Variants in BAAT observed in about 807,000 individuals in gnomAD.
BAAT encodes the protein bile acid CoA: amino acid N-acyltransferase (glycine N-choloyltransferase).
BAAT carries 13 observed loss-of-function variants against 18.9 expected under a neutral mutation model. The ratio of observed to expected loss-of-function variants is 0.69; its 90% CI spans 0.45 to 1.10. BAAT has a LOEUF of 1.10. Among genes scored for constraint, BAAT ranks in the 50% least tolerant of loss-of-function variants. The probability of loss-of-function intolerance (pLI) is 0.00; values close to 1 mark genes in which losing one functional copy is unlikely to be tolerated. For synonymous variants in BAAT, 170 were observed against 190.7 expected, an observed-to-expected ratio of 0.89 and a Z score of 0.89; for missense variants, 489 against 504.0, an observed-to-expected ratio of 0.97 and a Z score of 0.28.
chr9:101,372,320 C>A (rs945240931), intron 1 of BAAT, among the ~76,000 whole-genome samples: 2 of 150,022 alleles, frequency 1.3e-5, no homozygotes, highest in African/African-American at 4.9e-5. Context: ...CCAGAAGGAT[C>A]TTCTCAAAAG....
chr9:101,367,098 G>A (rs1383422126), intron 3 of BAAT, among the ~76,000 whole-genome samples: 1 of 128,234 alleles, frequency 7.8e-6, no homozygotes, highest in Non-Finnish European at 1.6e-5. Context: ...GTGACAGAGC[G>A]AGACTCTGTC....
At chr9:101,370,223 G>C (rs1176045921) in intron 2 of BAAT, among the ~76,000 whole-genome samples, 1 of 151,748 alleles carries the variant, frequency 6.6e-6, no homozygotes, top group Admixed American at 6.6e-5. Flanking sequence ...GAAGAAGTAT[G>C]CAGAAGTCAG....
At chr9:101,375,469 GTAGGGTTCCACTTTAGGAAC>G (rs1830023583) in intron 1 of BAAT, 1 of 177,584 alleles carries the variant, frequency 5.6e-6, no homozygotes, top group Non-Finnish European at 1.2e-5. Context: ...TATGTCAATT[GTAGGGTTCCACTTTAGGAAC>G]TTTCGTTATG....
rs138094960 is a variant in BAAT, at chr9:101,362,558, G to A, written c.1127C>T (p.Thr376Met). Residue 376 changes from threonine to methionine, a missense_variant, in exon 4 of 4, where the codon ACG (threonine) becomes ATG (methionine). Transcript: ENST00000259407. The part of the protein sequence containing the change: ...PPYSPLCCAS[T>M]THDLRLHWGG... ...CCAGTGTAACCTCAAATCGTGGGTC[G>A]TTGAGGCACAGCACAGAGGAGAATA... is the stretch of plus-strand genomic sequence containing the variant. The A allele has an allele frequency of 1.9e-5, 31 of 1,613,968 alleles. No individual in the cohort carries two copies. In the African/African-American group the frequency reaches 2.1e-4, roughly 11 times the overall value.
At position 101,365,093 on chromosome 9, in the gene BAAT, C is replaced by T. The variant is rs536312482; in HGVS notation, c.670-2078G>A. ...GTATTGAGTGTATTGCTCCCAGTTA[C>T]CAATTTGGTTGGGAATTCTAAGGAG... On this transcript the variant is annotated intron_variant, in intron 3 of 3. Transcript: ENST00000259407. 5.9e-5 allele frequency among the ~76,000 whole-genome samples: 9 copies of T among 152,210 alleles called. No individual in the cohort carries two copies. The East Asian group carries it at 1.5e-3, about 26-fold the overall frequency.
chr9:101,362,515 T>A lies in BAAT; in HGVS notation c.1170A>T (p.Pro390=), dbSNP rs1829745290. 6.2e-7 allele frequency: 1 copy of A among 1,614,008 alleles called. No individual in the cohort carries two copies. Among genetic ancestry groups the A allele is most frequent in the African/African-American group, 1.3e-5 (1 of 74,916 alleles). The stretch of plus-strand genomic sequence containing the variant: ...AAGCATGTTCCTGTGCAGCTGCGTG[T>A]GGGATCACCTCTCCTCCCCAGTGTA... ...LRLHWGGEVI[P]HAAAQEHAWK... Residue 390 remains proline (P), a synonymous_variant, in exon 4 of 4, where the codon CCA becomes CCT. Transcript: ENST00000259407.
chr9:101,375,464 C>T, intron 1 of BAAT: 1 of 179,752 alleles, frequency 5.6e-6, no homozygotes, highest in South Asian at 1.2e-4. Flanking sequence ...CAATTTATGT[C>T]AATTGTAGGG....
intron 1 of BAAT, among the ~76,000 whole-genome samples, chr9:101,378,468 A>G (rs1277722369): frequency 6.6e-6 from 1 of 152,246 alleles, no homozygotes; most frequent in Non-Finnish European, 1.5e-5. Flanking sequence ...GACAAAAACA[A>G]GCAACAGAGA....
intron 1 of BAAT, among the ~76,000 whole-genome samples, chr9:101,382,112 G>C (rs1012465376): frequency 6.6e-5 from 10 of 152,136 alleles, no homozygotes; most frequent in African/African-American, 2.2e-4. Flanking sequence ...GGCAGGAGAG[G>C]GTTGCCCCCA....
chr9:101,371,565 C>A (rs1371083569), intron 1 of BAAT, 102 bp from the exon 2 acceptor site: 4 of 731,566 alleles, frequency 5.5e-6, no homozygotes, highest in South Asian at 3.2e-5. Flanking sequence ...TCAGTTCTAA[C>A]CCTCTAGTTC....
chr9:101,381,198 C>A (rs994273409), intron 1 of BAAT, among the ~76,000 whole-genome samples: 4 of 151,880 alleles, frequency 2.6e-5, no homozygotes, highest in African/African-American at 9.7e-5. Context: ...TCAATAATTA[C>A]GTTAAATACA....
rs1379854579 is a variant in BAAT at position 101,371,458 on chromosome 9, C to T, written c.-54G>A. ...TTCAGGAATATCTTCAGCAAAACCT[C>T]AAAACCTCAAAAAAGAAAGAAAGAG... On this transcript the variant is annotated 5_prime_UTR_variant, in exon 2 of 4. Transcript: ENST00000259407. The T allele has an allele frequency of 1.4e-5, 21 of 1,508,182 alleles. 1 individual carries two copies. The highest frequency in any genetic ancestry group is 1.8e-5 in the Non-Finnish European group (20 of 1,102,292). The allele number at this position is 1,508,182 out of a possible 1,614,324, so 93.4% of individuals were successfully genotyped here. A position where few individuals can be genotyped will look rare whatever the true frequency, so the allele number is the denominator to read the frequency against.
chr9:101,381,459 G>C (rs887565203), intron 1 of BAAT, among the ~76,000 whole-genome samples: 1 of 152,180 alleles, frequency 6.6e-6, no homozygotes, highest in Non-Finnish European at 1.5e-5. Flanking sequence ...AAGAGGTCAA[G>C]GATGCAGTGA....
At chr9:101,367,892 C>A (rs911705376) in intron 3 of BAAT, among the ~76,000 whole-genome samples, 1 of 152,142 alleles carries the variant, frequency 6.6e-6, no homozygotes, top group Non-Finnish European at 1.5e-5. Context: ...ATTTATAATT[C>A]ACATGATTTA....
intron 1 of BAAT, among the ~76,000 whole-genome samples, chr9:101,377,063 A>G (rs1019272598): frequency 1.3e-5 from 2 of 152,236 alleles, no homozygotes; most frequent in African/African-American, 4.8e-5. Context: ...AATCATTCAT[A>G]AAATTTTATT....
At chr9:101,379,927 C>T (rs1256916294) in intron 1 of BAAT, among the ~76,000 whole-genome samples, 5 of 152,126 alleles carry the variant, frequency 3.3e-5, no homozygotes, top group African/African-American at 1.2e-4. Flanking sequence ...CATGGTACTC[C>T]AAAGACTAGA....
intron 3 of BAAT, among the ~76,000 whole-genome samples, chr9:101,363,899 C>T (rs1452565218): frequency 6.6e-6 from 1 of 152,130 alleles, no homozygotes; most frequent in African/African-American, 2.4e-5. Flanking sequence ...GTAGGCCCAG[C>T]TACTCAGGTT....
Position 101,362,635 on chromosome 9 carries a change from G to T in BAAT, c.1050C>A (p.Asn350Lys). ...AIGQLKRHGK[N>K]NWTLLSYPGA... Reference sequence around the variant, plus strand: ...CAGGGTAAGATAGCAGGGTCCAGTTGTTCTTCCCATGTCTCTTCAGCTGTC... The same window carrying T: ...CAGGGTAAGATAGCAGGGTCCAGTTTTTCTTCCCATGTCTCTTCAGCTGTC... The change falls in exon 4 of 4, where the codon AAC (asparagine) becomes AAA (lysine). Residue 350 changes from asparagine to lysine, a missense_variant. By Grantham distance (94) the Asn-to-Lys change is moderately conservative. Coordinates refer to ENST00000259407, the MANE Select transcript of BAAT (RefSeq NM_001701.4). The T allele has an allele frequency of 6.2e-7, 1 of 1,614,096 alleles. No homozygotes were observed. Among genetic ancestry groups the T allele is most frequent in the Non-Finnish European group, 8.5e-7 (1 of 1,179,994 alleles).
Position 101,368,184 on chromosome 9 carries a change from T to G in BAAT, c.605A>C (p.Lys202Thr), listed in dbSNP as rs886765595. Residue 202 changes from lysine to threonine, a missense_variant, in exon 3 of 4, where the codon AAA (lysine) becomes ACA (threonine). Lys to Thr is a moderately conservative substitution (Grantham distance 78). Transcript: ENST00000259407. ...AYHNYEDLPR[K>T]PEVTDLEYFE... ...ATATTCCAAATCTGTTACTTCTGGT[T>G]TGCGGGGCAGGTCTTCATAGTTATG... 4 of 1,614,064 alleles carry G rather than the reference T, an allele frequency of 2.5e-6. No individual in the cohort carries two copies. In the African/African-American group the frequency reaches 5.3e-5, roughly 22 times the overall value.
Sources: gnomAD v4.1 joint callset for allele counts (sites outside exome capture counted in the v4.1 genomes callset) on GRCh38, gnomAD v4.1.1 for gene constraint, MANE v1.5 for transcripts, NCBI Gene and HGNC (gene_info 2026-07-23, HGNC 2026-07-21) for gene names.